KNTC1: variants seen among roughly 807,000 people sequenced by gnomAD.
The protein encoded by KNTC1 is kinetochore associated 1.
A neutral mutation model predicts 314.4 loss-of-function variants in KNTC1; 253 were observed. The observed-to-expected ratio is 0.80, with a 90% CI of 0.73 to 0.89. KNTC1 has a LOEUF of 0.89. KNTC1 is among the 40% of genes least tolerant of loss of function. The pLI, the probability that KNTC1 is intolerant of heterozygous loss-of-function variation, is 0.00. For missense variants in KNTC1, 2,475 were observed against 2,572.9 expected (o/e 0.96, Z 0.82); for synonymous variants, 901 against 901.4 (o/e 1.00, Z 0.01).
chr12:122,618,388 C>T lies in KNTC1; in HGVS notation c.6076C>T (p.Leu2026=). The T allele has an allele frequency of 6.2e-7, 1 of 1,613,702 alleles. No individual in the cohort carries two copies. The highest frequency in any genetic ancestry group is 8.5e-7 in the Non-Finnish European group (1 of 1,179,684). Residue 2026 remains leucine, a synonymous_variant, in exon 58 of 64, where the codon CTG becomes TTG. Transcript: ENST00000333479. ...KAWQRVIQIP[L]LSASCPLSPD... is the part of the protein sequence containing the mutation. ...GTGGCAGCGTGTGATACAGATACCA[C>T]TGCTTTCAGGTATTTCGCTCTCTGA...
At chr12:122,584,500 T>C (rs774033474) in intron 35 of KNTC1, 50 bp downstream of exon 35, 1 of 1,394,114 alleles carries the variant, frequency 7.2e-7, no homozygotes, top group South Asian at 1.3e-5. Context: ...GTTCATGTCA[T>C]ACTTGTCTCC....
intron 33 of KNTC1, among the ~76,000 whole-genome samples, chr12:122,581,360 C>T (rs528987238): frequency 2.3e-4 from 35 of 151,424 alleles, no homozygotes; most frequent in African/African-American, 6.8e-4. Context: ...CCACCAAGCC[C>T]GGCTAATTTT....
At chr12:122,551,772 A>G (rs757036898) in intron 16 of KNTC1, 76 bp downstream of exon 16, 1 of 1,034,820 alleles carries the variant, frequency 9.7e-7, no homozygotes, top group Non-Finnish European at 1.5e-6. Flanking sequence ...ACAGACATGT[A>G]ATATATAATT....
chr12:122,621,442 C>T (rs940624749), intron 60 of KNTC1, among the ~76,000 whole-genome samples: 5 of 152,152 alleles, frequency 3.3e-5, no homozygotes, highest in East Asian at 1.9e-4. Context: ...GCCTCCCTCC[C>T]GGGTTCAAGT....
intron 44 of KNTC1, among the ~76,000 whole-genome samples, 183 bp downstream of exon 44, chr12:122,598,121 A>G (rs1314562907): frequency 1.3e-5 from 2 of 152,222 alleles, no homozygotes; most frequent in Non-Finnish European, 2.9e-5. Flanking sequence ...TTCAAAATAG[A>G]AATAGCTTTT....
rs767668006 is a variant in KNTC1 at position 122,601,666 on chromosome 12, CT to C, written c.4653+45del. ...CAAAGATGTAAAAATCATCTTTCTG[CT>C]TTTATTTGGATCATAAATCATATCA... On this transcript the variant is annotated intron_variant, in intron 45 of 63. Transcript: ENST00000333479. The C allele has an allele frequency of 6.3e-6, 9 of 1,428,184 alleles. No individual in the cohort carries two copies. The South Asian group carries it at 1.2e-4, about 19-fold the overall frequency. 88.5% of individuals were successfully genotyped at this position (1,428,184 alleles called of 1,614,324 possible).
At chr12:122,543,664 A>T (rs1408990186) in intron 7 of KNTC1, 30 bp downstream of exon 7, 1 of 1,383,130 alleles carries the variant, frequency 7.2e-7, no homozygotes. Flanking sequence ...TTGTCCTCTT[A>T]AAAAAATTAC....
intron 12 of KNTC1, 133 bp from the exon 13 acceptor site, chr12:122,549,633 T>C: frequency 6.7e-6 from 4 of 596,070 alleles, no homozygotes; most frequent in Non-Finnish European, 1.2e-5. Flanking sequence ...CCCAAAGTGC[T>C]GGGATTATAG....
At chr12:122,535,953 G>C (rs1961782389) in intron 3 of KNTC1, among the ~76,000 whole-genome samples, 1 of 149,956 alleles carries the variant, frequency 6.7e-6, no homozygotes, top group African/African-American at 2.5e-5. Context: ...TAGTGCAGTG[G>C]CACAATCTCG....
At chr12:122,582,592 C>T (rs968843209) in intron 33 of KNTC1, 113 bp from the exon 34 acceptor site, 10 of 948,526 alleles carry the variant, frequency 1.1e-5, no homozygotes, top group Non-Finnish European at 1.4e-5. Context: ...AGACATGTAC[C>T]CCTGAATCTA....
In KNTC1 at chr12:122,569,837, C is replaced by T. The variant is rs756506538; in HGVS notation, c.1860+13C>T. ...GCCTGAAGGACAGGTGAGTTGTCTT[C>T]AGTATTTCCACTCTTGATGACTTTA... On this transcript the variant is annotated intron_variant, in intron 22 of 63. Coordinates refer to ENST00000333479, the MANE Select transcript of KNTC1 (RefSeq NM_014708.6). The T allele has an allele frequency of 9.4e-6, 15 of 1,597,902 alleles. No homozygotes were observed. The highest frequency in any genetic ancestry group is 1.2e-5 in the Non-Finnish European group (14 of 1,173,298).
intron 38 of KNTC1, 129 bp downstream of exon 38, chr12:122,586,886 C>G (rs1007439280): frequency 4.8e-6 from 1 of 208,338 alleles, no homozygotes; most frequent in Non-Finnish European, 8.9e-6. Flanking sequence ...GATTGGAGCT[C>G]ACTGCAACCT....
At position 122,598,022 on chromosome 12, in the gene KNTC1, GTATAAGTC is replaced by G. The variant is rs1227349946; in HGVS notation, c.4563+89_4563+96del. On this transcript the variant is annotated intron_variant, in intron 44 of 63. Transcript: ENST00000333479. Reference sequence around the variant, plus strand: ...TAGATACATTAGTAACAAATTGGATGTATAAGTCTATATTTTTATCAACTTTTAATTTG... The same window carrying G: ...TAGATACATTAGTAACAAATTGGATGTATATTTTTATCAACTTTTAATTTG... The G allele has an allele frequency of 3.1e-6, 3 of 954,004 alleles. No homozygotes were observed. The African/African-American group carries it at 4.9e-5, about 16-fold the overall frequency. 59.1% of individuals were successfully genotyped at this position (954,004 alleles called of 1,614,324 possible). A position where few individuals can be genotyped will look rare whatever the true frequency, so the allele number is the denominator to read the frequency against.
chr12:122,600,931 G>T (rs928121859), intron 44 of KNTC1, among the ~76,000 whole-genome samples: 3 of 152,290 alleles, frequency 2.0e-5, no homozygotes, highest in Admixed American at 2.0e-4. Flanking sequence ...CTCCCAAAGT[G>T]CTGGGATTAC....
intron 20 of KNTC1, among the ~76,000 whole-genome samples, chr12:122,566,615 G>T (rs1964359746): frequency 1.3e-5 from 2 of 151,784 alleles, no homozygotes; most frequent in African/African-American, 4.8e-5. Flanking sequence ...TCGTCATTTG[G>T]AGCAGACTGG....
Position 122,583,002 on chromosome 12 carries a change from C to T in KNTC1, c.3263+17C>T, listed in dbSNP as rs1868648324. 6.3e-7 allele frequency: 1 copy of T among 1,590,446 alleles called. No homozygotes were observed. The highest frequency in any genetic ancestry group is 1.3e-5 in the African/African-American group (1 of 74,314). ...AAAATGCAGGTGACATTCCAGATCC[C>T]TGAATTGCATAGCTTCTCTGAAATT... On this transcript the variant is annotated intron_variant, in intron 34 of 63. Coordinates refer to ENST00000333479, the MANE Select transcript of KNTC1 (RefSeq NM_014708.6).
At chr12:122,533,461 G>A (rs901828928) in intron 2 of KNTC1, among the ~76,000 whole-genome samples, 1 of 152,168 alleles carries the variant, frequency 6.6e-6, no homozygotes, top group Non-Finnish European at 1.5e-5. Context: ...TTGGGTGGTT[G>A]GGATGGAAGG....
Position 122,603,742 on chromosome 12 carries a change from C to T in KNTC1, c.5101+499C>T, listed in dbSNP as rs561046495. ...TCTTGACCTTGTGATCCGCCCGCCT[C>T]GGCCTCCCAAAGTGCTGGGATTACA... On this transcript the variant is annotated intron_variant, in intron 48 of 63. Transcript: ENST00000333479. Among the ~76,000 whole-genome samples the T allele has an allele frequency of 7.2e-5, 11 of 152,258 alleles. No homozygotes were observed. In the East Asian group the frequency reaches 1.5e-3, roughly 21 times the overall value.
rs568343022 is a variant in KNTC1 at position 122,541,823 on chromosome 12, A to G, written c.446-227A>G. ...ATCATGAGGTCAAGAGATCAAGACC[A>G]TCCTGGCCAACATGGTGAAACCCTG... On this transcript the variant is annotated intron_variant, in intron 5 of 63. Transcript: ENST00000333479. Among the ~76,000 whole-genome samples, 13 of 151,548 alleles carry G rather than the reference A, an allele frequency of 8.6e-5. No individual in the cohort carries two copies. In the South Asian group the frequency reaches 2.5e-3, roughly 29 times the overall value.
Sources: allele counts gnomAD v4.1 joint callset (sites outside exome capture counted in the v4.1 genomes callset), GRCh38; gene constraint gnomAD v4.1.1; transcripts MANE v1.5; gene names NCBI Gene and HGNC (gene_info 2026-07-23, HGNC 2026-07-21).